KIAA1217: variants seen among roughly 807,000 people sequenced by gnomAD.
KIAA1217 encodes KIAA1217, also known as sickle tail protein homolog.
KIAA1217 carries 88 observed loss-of-function variants against 163.9 expected under a neutral mutation model. That is an observed-to-expected ratio of 0.54 (90% confidence interval 0.45 to 0.64). KIAA1217 has a LOEUF of 0.64. Ranked by LOEUF, KIAA1217 falls within the 30% of genes least tolerant of loss-of-function variation. The probability of loss-of-function intolerance (pLI) is 0.00; values close to 1 mark genes in which losing one functional copy is unlikely to be tolerated. For synonymous variants in KIAA1217, 903 were observed against 923.1 expected, an observed-to-expected ratio of 0.98 and a Z score of 0.39; for missense variants, 2,372 against 2,475.0, an observed-to-expected ratio of 0.96 and a Z score of 0.88.
intron 2 of KIAA1217, among the ~76,000 whole-genome samples, chr10:24,071,679 A>G (rs1283984588): frequency 1.3e-5 from 2 of 152,162 alleles, no homozygotes; most frequent in Admixed American, 1.3e-4. Context: ...TGAAGATTAT[A>G]TTTGCACTGT....
At chr10:24,147,214 G>T (rs557240792) in intron 2 of KIAA1217, among the ~76,000 whole-genome samples, 2 of 152,210 alleles carry the variant, frequency 1.3e-5, no homozygotes, top group South Asian at 4.2e-4. Flanking sequence ...CATCAAAGAA[G>T]TCTTCTATTT....
In KIAA1217 at chr10:24,410,969, C is replaced by A. The variant is rs547740379; in HGVS notation, c.554-22026C>A. 2.6e-5 allele frequency among the ~76,000 whole-genome samples: 4 copies of A among 152,328 alleles called. No homozygotes were observed. In the East Asian group the frequency reaches 7.7e-4, roughly 29 times the overall value. On this transcript the variant is annotated intron_variant, in intron 3 of 20. Coordinates refer to ENST00000376454, the MANE Select transcript of KIAA1217 (RefSeq NM_019590.5). ...AAGGTGTACTAAATGCCTCCCAGCA[C>A]ACACAGGACTCAGTGTTATGTTCTT...
intron 1 of KIAA1217, among the ~76,000 whole-genome samples, chr10:24,003,707 C>T (rs1024376494): frequency 6.6e-6 from 1 of 152,194 alleles, no homozygotes; most frequent in African/African-American, 2.4e-5. Context: ...CACAGGATAA[C>T]TCTGATGATT....
intron 1 of KIAA1217, among the ~76,000 whole-genome samples, chr10:23,914,541 C>G (rs879308992): frequency 1.3e-5 from 2 of 152,076 alleles, no homozygotes; most frequent in Non-Finnish European, 2.9e-5. Context: ...TCTCAAACTC[C>G]TGGCCTCAAG....
At chr10:23,986,032 G>A (rs374189187) in intron 1 of KIAA1217, among the ~76,000 whole-genome samples, 87 of 152,304 alleles carry the variant, frequency 5.7e-4, no homozygotes, top group East Asian at 1.2e-3. Flanking sequence ...ATGTATCTTC[G>A]TTCTAATATA....
At position 24,524,589 on chromosome 10, in the gene KIAA1217, A is replaced by G. The variant is rs1340901250; in HGVS notation, c.2723A>G (p.Gln908Arg). Residue 908 changes from glutamine (Q) to arginine (R), a missense_variant, in exon 13 of 21, where the codon CAG (glutamine) becomes CGG (arginine). Physicochemically the swap from Gln to Arg is conservative, Grantham distance 43. Transcript: ENST00000376454. ...TCCGTGGCCCTGCTGAACCCTGCTC[A>G]GAACTTGCCTCACGTGGCCAGCTCC... is the stretch of plus-strand genomic sequence containing the variant. The part of the protein sequence containing the change: ...QHSVALLNPA[Q>R]NLPHVASSPA... The G allele has an allele frequency of 6.2e-7, 1 of 1,614,090 alleles. No homozygotes were observed. Among genetic ancestry groups the G allele is most frequent in the Admixed American group, 1.7e-5 (1 of 60,018 alleles).
chr10:23,861,696 G>T (rs1183190686), intron 1 of KIAA1217, among the ~76,000 whole-genome samples: 1 of 152,162 alleles, frequency 6.6e-6, no homozygotes, highest in African/African-American at 2.4e-5. Flanking sequence ...GATGCAGGTG[G>T]CTTTAAGAGT....
chr10:24,034,308 C>T (rs1488978585), intron 2 of KIAA1217, among the ~76,000 whole-genome samples: 1 of 152,072 alleles, frequency 6.6e-6, no homozygotes, highest in African/African-American at 2.4e-5. Context: ...CCTGTAATCC[C>T]AGCACTTTGG....
chr10:23,895,089 T>G (rs962851702), intron 1 of KIAA1217, among the ~76,000 whole-genome samples: 1 of 152,090 alleles, frequency 6.6e-6, no homozygotes, highest in African/African-American at 2.4e-5. Flanking sequence ...GGGCAAGGAC[T>G]TCATGTCTAA....
intron 1 of KIAA1217, among the ~76,000 whole-genome samples, chr10:23,824,654 A>T (rs1447079409): frequency 6.5e-3 from 650 of 100,356 alleles, no homozygotes; most frequent in African/African-American, 0.011. Context: ...AAAAAAATAA[A>T]AAAAATATAT....
chr10:24,134,359 A>G (rs2063760140), intron 2 of KIAA1217, among the ~76,000 whole-genome samples: 1 of 152,202 alleles, frequency 6.6e-6, no homozygotes, highest in Admixed American at 6.5e-5. Flanking sequence ...AGCATGGGGC[A>G]ATAATTAAAA....
At chr10:24,278,486 G>A (rs892753471) in intron 2 of KIAA1217, among the ~76,000 whole-genome samples, 1 of 152,186 alleles carries the variant, frequency 6.6e-6, no homozygotes, top group Admixed American at 6.5e-5. Context: ...TGTGGATAAG[G>A]GATAATCTAT....
chr10:24,164,390 T>C (rs2065250374), intron 2 of KIAA1217, among the ~76,000 whole-genome samples: 1 of 152,228 alleles, frequency 6.6e-6, no homozygotes, highest in African/African-American at 2.4e-5. Flanking sequence ...TTTTACTATC[T>C]TGGTAGCCCT....
chr10:24,239,351 G>GT, intron 2 of KIAA1217: 13 of 971,422 alleles, frequency 1.3e-5, no homozygotes, highest in Non-Finnish European at 1.6e-5. Flanking sequence ...AATATGCGGG[G>GT]TTTTTTTCTT....
chr10:24,436,718 A>C (rs1469796309), intron 4 of KIAA1217, among the ~76,000 whole-genome samples: 1 of 128,872 alleles, frequency 7.8e-6, no homozygotes, highest in Non-Finnish European at 1.6e-5. Context: ...AGACGGTGCC[A>C]CTGCACTCCA....
chr10:23,994,535 A>G (rs1846377913), intron 1 of KIAA1217, among the ~76,000 whole-genome samples: 1 of 147,096 alleles, frequency 6.8e-6, no homozygotes, highest in Non-Finnish European at 1.5e-5. Flanking sequence ...AAAGTCAAGG[A>G]GAGTTTTAAC....
chr10:23,766,908 A>G (rs935730274), intron 1 of KIAA1217, among the ~76,000 whole-genome samples: 1 of 152,084 alleles, frequency 6.6e-6, no homozygotes, highest in Non-Finnish European at 1.5e-5. Flanking sequence ...TGACATTCTT[A>G]TTCTTACCTC....
At chr10:24,108,888 A>G (rs2062732450) in intron 2 of KIAA1217, among the ~76,000 whole-genome samples, 1 of 152,082 alleles carries the variant, frequency 6.6e-6, no homozygotes, top group Non-Finnish European at 1.5e-5. Flanking sequence ...CTGGAGTGCA[A>G]TGGCTCAATA....
intron 10 of KIAA1217, among the ~76,000 whole-genome samples, chr10:24,517,390 G>A (rs2070363770): frequency 6.6e-6 from 1 of 152,038 alleles, no homozygotes; most frequent in Non-Finnish European, 1.5e-5. Flanking sequence ...TAAGGTGACG[G>A]ATATCCCAAG....
Sources: allele counts gnomAD v4.1 joint callset (sites outside exome capture counted in the v4.1 genomes callset), GRCh38; gene constraint gnomAD v4.1.1; transcripts MANE v1.5; gene names NCBI Gene and HGNC (gene_info 2026-07-23, HGNC 2026-07-21).